ACSF3: variants seen among roughly 807,000 people sequenced by gnomAD.
The protein encoded by ACSF3 is malonate--CoA ligase ACSF3, mitochondrial.
Under a neutral mutation model 53.2 loss-of-function variants are expected in ACSF3, and 78 were observed. The ratio of observed to expected loss-of-function variants is 1.47; its 90% CI spans 1.22 to 1.77. ACSF3 has a LOEUF of 1.77. ACSF3 is among the 40% of genes most tolerant of loss of function. The pLI is 0.00. For missense variants in ACSF3, 937 were observed against 771.1 expected (o/e 1.22, Z -2.55); for synonymous variants, 414 against 333.1 (o/e 1.24, Z -2.65).
At position 89,146,035 on chromosome 16, in the gene ACSF3, C is replaced by CA. The variant is rs1350227206; in HGVS notation, c.1602dup (p.Glu535ArgfsTer31). The CA allele has an allele frequency of 3.4e-6, 2 of 583,508 alleles. No individual in the cohort carries two copies. Among genetic ancestry groups the CA allele is most frequent in the Admixed American group, 4.3e-5 (2 of 46,946 alleles). The allele number at this position is 583,508 out of a possible 1,614,324, so 36.1% of individuals were successfully genotyped here. On this transcript the variant is annotated frameshift_variant, in exon 10 of 11. Coordinates refer to ENST00000614302, the MANE Select transcript of ACSF3 (RefSeq NM_001243279.3). LOFTEE classifies it high-confidence loss of function. ...GACACTCACTGTCCCACAGGGAGCTCAAAGAGTGGGCCAGGTAGGGCTGGG... is the reference window on the plus strand; with the variant it reads ...GACACTCACTGTCCCACAGGGAGCTCAAAAGAGTGGGCCAGGTAGGGCTGGG...
intron 1 of ACSF3, among the ~76,000 whole-genome samples, chr16:89,097,756 G>A (rs1974792494): frequency 8.7e-6 from 1 of 114,792 alleles, no homozygotes; most frequent in Admixed American, 1.0e-4. Context: ...CCACTGCCCT[G>A]CCTCTGAACA....
At chr16:89,141,114 G>T (rs531219957) in intron 8 of ACSF3, 12 of 1,287,138 alleles carry the variant, frequency 9.3e-6, no homozygotes, top group Non-Finnish European at 1.2e-5. Flanking sequence ...AGTCGCCCTC[G>T]CTGCCGCAGG....
At chr16:89,114,083 C>A in intron 5 of ACSF3, 1 of 548,744 alleles carries the variant, frequency 1.8e-6, no homozygotes, top group Non-Finnish European at 3.4e-6. Flanking sequence ...CCCTCATTAG[C>A]TGTTGGACCT....
At chr16:89,096,720 C>T (rs1006631322) in intron 1 of ACSF3, among the ~76,000 whole-genome samples, 2 of 152,216 alleles carry the variant, frequency 1.3e-5, no homozygotes, top group African/African-American at 4.8e-5. Context: ...GCTGTAGGTG[C>T]CAGGACTCCC....
chr16:89,139,465 T>C (rs10852635), intron 8 of ACSF3, among the ~76,000 whole-genome samples: 30,806 of 151,940 alleles, frequency 0.2, 3,562 homozygotes, highest in East Asian at 0.4. Context: ...GCCTTGCTTG[T>C]CGGTTTGGCT....
chr16:89,124,488 TGA>T (rs1745738029), intron 7 of ACSF3, among the ~76,000 whole-genome samples: 1 of 74,538 alleles, frequency 1.3e-5, no homozygotes, highest in South Asian at 3.3e-4. Flanking sequence ...GTGCACACAC[TGA>T]GTGTGTGTTA....
chr16:89,141,417 C>A, intron 8 of ACSF3: 1 of 938,904 alleles, frequency 1.1e-6, no homozygotes, highest in Non-Finnish European at 1.4e-6. Context: ...AGCAGCGGGG[C>A]CGCCCCTTTG....
intron 6 of ACSF3, among the ~76,000 whole-genome samples, chr16:89,119,103 C>T (rs111776117): frequency 3.3e-5 from 5 of 151,880 alleles, no homozygotes; most frequent in African/African-American, 4.8e-5. Flanking sequence ...GAAGCTCTCA[C>T]GGGCGGCACC....
At chr16:89,113,918 C>T (rs1293462636) in intron 5 of ACSF3, 1 of 334,776 alleles carries the variant, frequency 3.0e-6, no homozygotes, top group East Asian at 8.0e-5. Flanking sequence ...GCTGTAGTCC[C>T]CGGATGTGCC....
At chr16:89,114,594 A>G (rs1182472275) in intron 6 of ACSF3, 107 bp downstream of exon 6, 1 of 1,536,868 alleles carries the variant, frequency 6.5e-7, no homozygotes, top group East Asian at 2.3e-5. Flanking sequence ...GGCATGGAGG[A>G]TGCTCCCCCG....
intron 10 of ACSF3, 192 bp from the exon 11 acceptor site, chr16:89,153,898 A>C: frequency 1.6e-6 from 1 of 623,602 alleles, no homozygotes; most frequent in Non-Finnish European, 2.9e-6. Flanking sequence ...CACCTCCTGC[A>C]GTCACCACCC....
intron 2 of ACSF3, 109 bp downstream of exon 2, chr16:89,098,872 C>T (rs758890096): frequency 1.8e-5 from 8 of 440,460 alleles, no homozygotes; most frequent in Middle Eastern, 7.1e-4. Context: ...TGAAACCTAA[C>T]CTAATATGTG....
intron 4 of ACSF3, 95 bp downstream of exon 4, chr16:89,102,854 C>G: frequency 6.5e-7 from 1 of 1,540,356 alleles, no homozygotes; most frequent in South Asian, 1.2e-5. Context: ...AGCCTAAGCG[C>G]CTTTCGCTGG....
At chr16:89,130,425 T>G (rs1204826524) in intron 7 of ACSF3, among the ~76,000 whole-genome samples, 3 of 152,056 alleles carry the variant, frequency 2.0e-5, no homozygotes, top group Non-Finnish European at 2.9e-5. Context: ...AATACAAAAA[T>G]TAGCCAGGCA....
chr16:89,112,267 T>C (rs1390142713), intron 5 of ACSF3, 21 bp downstream of exon 5: 8 of 1,613,416 alleles, frequency 5.0e-6, no homozygotes, highest in Non-Finnish European at 6.8e-6. Context: ...AGAGCCCACT[T>C]TCTCGTTCAG....
intron 7 of ACSF3, among the ~76,000 whole-genome samples, chr16:89,125,961 C>T (rs1907966030): frequency 1.3e-5 from 2 of 152,190 alleles, no homozygotes; most frequent in South Asian, 4.1e-4. Context: ...TATGTCTCTC[C>T]ATTTACTTAG....
chr16:89,145,478 A>G, intron 9 of ACSF3, 77 bp downstream of exon 9: 1 of 1,561,356 alleles, frequency 6.4e-7, no homozygotes, highest in Non-Finnish European at 8.7e-7. Flanking sequence ...AGACGACTGC[A>G]GATGAGTCGA....
rs1567712483 is a variant in ACSF3, at chr16:89,120,879, C to T, written c.1205C>T (p.Thr402Ile). ...CCACAGAGGGAAGCCTGCTCCTACA[C>T]CATCCACGCAGAGGGAGACGAGAGG... ...ENPQREACSY[T>I]IHAEGDERGT... Residue 402 changes from threonine to isoleucine, a missense_variant, in exon 7 of 11, where the codon ACC (threonine) becomes ATC (isoleucine). Physicochemically the swap from Thr to Ile is moderately conservative, Grantham distance 89. Transcript: ENST00000614302. The T allele has an allele frequency of 1.9e-6, 3 of 1,614,098 alleles. No homozygotes were observed. In the South Asian group the frequency reaches 3.3e-5, roughly 18 times the overall value.
At chr16:89,105,303 G>T (rs1234439056) in intron 4 of ACSF3, among the ~76,000 whole-genome samples, 2 of 152,130 alleles carry the variant, frequency 1.3e-5, no homozygotes, top group Non-Finnish European at 2.9e-5. Flanking sequence ...AGGCCTTCCT[G>T]GCTCCCCTGG....
Sources: allele counts gnomAD v4.1 joint callset (sites outside exome capture counted in the v4.1 genomes callset), GRCh38; gene constraint gnomAD v4.1.1; transcripts MANE v1.5; gene names NCBI Gene and HGNC (gene_info 2026-07-23, HGNC 2026-07-21).